Variants in VPS13B observed in about 807,000 individuals in gnomAD.
VPS13B encodes vacuolar protein sorting 13 homolog B.
Under a neutral mutation model 426.4 loss-of-function variants are expected in VPS13B, and 285 were observed. The observed-to-expected ratio is 0.67, with a 90% confidence interval of 0.61 to 0.74. The LOEUF is 0.74. VPS13B is among the 30% of genes least tolerant of loss of function. The probability of loss-of-function intolerance (pLI) is 0.00; values close to 1 mark genes in which losing one functional copy is unlikely to be tolerated. For synonymous variants in VPS13B, 1,676 were observed against 1,676.4 expected, an observed-to-expected ratio of 1.00 and a Z score of 0.01; for missense variants, 4,537 against 4,782.6, an observed-to-expected ratio of 0.95 and a Z score of 1.51.
intron 3 of VPS13B, among the ~76,000 whole-genome samples, chr8:99,083,085 T>A (rs1340626035): frequency 6.6e-6 from 1 of 152,206 alleles, no homozygotes; most frequent in Non-Finnish European, 1.5e-5. Flanking sequence ...TGATTCTTCC[T>A]ACCCATGAGC....
intron 19 of VPS13B, among the ~76,000 whole-genome samples, chr8:99,321,870 CTT>C (rs1402930872): frequency 6.6e-6 from 1 of 152,156 alleles, no homozygotes; most frequent in African/African-American, 2.4e-5. Flanking sequence ...ATTTCTATCT[CTT>C]TGGAAATTAA....
At chr8:99,713,097 C>T (rs1437530968) in intron 36 of VPS13B, among the ~76,000 whole-genome samples, 2 of 151,864 alleles carry the variant, frequency 1.3e-5, no homozygotes, top group African/African-American at 4.8e-5. Flanking sequence ...AAAGTGGTTC[C>T]TGCATAATAG....
At chr8:99,871,282 G>C (rs987443927) in intron 60 of VPS13B, 166 bp from the exon 61 acceptor site, 4 of 1,072,320 alleles carry the variant, frequency 3.7e-6, no homozygotes, top group East Asian at 2.4e-5. Context: ...CTGTTAATCA[G>C]AATCAGTCTG....
rs553985579 is a variant in VPS13B at position 99,554,382 on chromosome 8, A to G, written c.4746-2068A>G. 2.6e-5 allele frequency among the ~76,000 whole-genome samples: 4 copies of G among 152,224 alleles called. No homozygotes were observed. The East Asian group carries it at 7.7e-4, about 29-fold the overall frequency. On this transcript the variant is annotated intron_variant, in intron 30 of 61. Coordinates refer to ENST00000357162, the MANE Select transcript of VPS13B (RefSeq NM_152564.5). The stretch of plus-strand genomic sequence containing the variant: ...TAGGTTAGGCCATCAACTGCCTCAG[A>G]TATTTGCTGGCTATCAGAATTTATG...
At chr8:99,428,278 G>C (rs12550509) in intron 21 of VPS13B, among the ~76,000 whole-genome samples, 1 of 151,920 alleles carries the variant, frequency 6.6e-6, no homozygotes, top group Non-Finnish European at 1.5e-5. Context: ...GAAGCCAAAA[G>C]TGACAAATGG....
intron 41 of VPS13B, among the ~76,000 whole-genome samples, chr8:99,778,135 A>T (rs1169890551): frequency 6.6e-6 from 1 of 151,756 alleles, no homozygotes; most frequent in African/African-American, 2.4e-5. Context: ...AGAAGGCTAA[A>T]GCAGGAGAAT....
At chr8:99,741,041 G>C (rs548547381) in intron 39 of VPS13B, among the ~76,000 whole-genome samples, 1 of 152,270 alleles carries the variant, frequency 6.6e-6, no homozygotes, top group East Asian at 1.9e-4. Flanking sequence ...ATTGGATAAA[G>C]AGTCAAGACC....
intron 5 of VPS13B, among the ~76,000 whole-genome samples, chr8:99,109,388 C>CT (rs1053093027): frequency 8.1e-5 from 12 of 148,640 alleles, no homozygotes; most frequent in Admixed American, 4.7e-4. Context: ...TTCTTTCTTT[C>CT]TTTTTTTTTT....
At chr8:99,738,008 C>G (rs1338735945) in intron 39 of VPS13B, among the ~76,000 whole-genome samples, 1 of 152,222 alleles carries the variant, frequency 6.6e-6, no homozygotes, top group African/African-American at 2.4e-5. Context: ...TGGTTGTGCT[C>G]TACTTTGGGG....
At chr8:99,168,277 T>C (rs1184136914) in intron 15 of VPS13B, among the ~76,000 whole-genome samples, 24 of 152,012 alleles carry the variant, frequency 1.6e-4, no homozygotes, top group Non-Finnish European at 1.5e-5. Context: ...AATGACAGAA[T>C]AGTATGTAGT....
Position 99,721,057 on chromosome 8 carries a change from G to A in VPS13B, c.7050+10G>A, listed in dbSNP as rs1159043699. ...TGGTGATGTGCTACAGGTATGTAAT[G>A]ACCATTCATTGTAAAATGAAAACAT... On this transcript the variant is annotated intron_variant, in intron 39 of 61. Transcript: ENST00000357162. 1.9e-6 allele frequency: 3 copies of A among 1,613,574 alleles called. No homozygotes were observed. Among genetic ancestry groups the A allele is most frequent in the Admixed American group, 1.7e-5 (1 of 60,020 alleles).
At position 99,171,379 on chromosome 8, in the gene VPS13B, T is replaced by G. The variant is rs570521626; in HGVS notation, c.2333+1216T>G. ...TTAATAGGTATTTGTGAAAACTATT[T>G]TCTCCGTTATGTGCTGATTAATTTA... On this transcript the variant is annotated intron_variant, in intron 16 of 61. Transcript: ENST00000357162. 5.3e-5 allele frequency among the ~76,000 whole-genome samples: 8 copies of G among 152,092 alleles called. No homozygotes were observed. The East Asian group carries it at 1.5e-3, about 29-fold the overall frequency.
chr8:99,238,628 TACTG>T (rs1233858945), intron 17 of VPS13B, among the ~76,000 whole-genome samples: 1 of 152,198 alleles, frequency 6.6e-6, no homozygotes, highest in African/African-American at 2.4e-5. Flanking sequence ...TTCATGTTAA[TACTG>T]ACAGTTATTG....
intron 39 of VPS13B, among the ~76,000 whole-genome samples, chr8:99,754,419 C>T (rs552563703): frequency 2.0e-5 from 3 of 152,212 alleles, no homozygotes; most frequent in South Asian, 4.1e-4. Context: ...GTAAGAAATA[C>T]TCTTTATGTT....
rs372113202 is a variant in VPS13B at position 99,229,472 on chromosome 8, G to GGATT, written c.2515+36440_2515+36443dup. Among the ~76,000 whole-genome samples, 1,293 of 152,118 alleles carry GGATT rather than the reference G, an allele frequency of 8.5e-3. 12 individuals are homozygous for GGATT. The highest frequency in any genetic ancestry group is 0.012 in the Non-Finnish European group (808 of 67,992). Reference sequence around the variant, plus strand: ...CTTTGGGATGATACTAATTATTCATGGATTGATTGATTGATTGATTGATTG... The same window carrying GGATT: ...CTTTGGGATGATACTAATTATTCATGGATTGATTGATTGATTGATTGATTGATTG... On this transcript the variant is annotated intron_variant, in intron 17 of 61. Transcript: ENST00000357162.
chr8:99,113,028 C>T (rs1588050716), intron 6 of VPS13B, among the ~76,000 whole-genome samples: 1 of 150,714 alleles, frequency 6.6e-6, no homozygotes, highest in South Asian at 2.1e-4. Context: ...TTTTTTCTCC[C>T]CTCCTCTCCC....
At chr8:99,811,184 A>T (rs762497062) in intron 44 of VPS13B, among the ~76,000 whole-genome samples, 1 of 152,156 alleles carries the variant, frequency 6.6e-6, no homozygotes, top group Non-Finnish European at 1.5e-5. Context: ...CTCACACAGC[A>T]GCCCTTTCTG....
At chr8:99,323,407 T>C (rs1810085080) in intron 19 of VPS13B, among the ~76,000 whole-genome samples, 1 of 152,358 alleles carries the variant, frequency 6.6e-6, no homozygotes, top group South Asian at 2.1e-4. Context: ...CTTATTTTCT[T>C]ACATCCTTAA....
intron 35 of VPS13B, among the ~76,000 whole-genome samples, chr8:99,664,609 T>G (rs1177879133): frequency 6.6e-6 from 1 of 152,124 alleles, no homozygotes; most frequent in Non-Finnish European, 1.5e-5. Context: ...AGAATGATGT[T>G]TTCCAGTTTC....
Sources: gnomAD v4.1 joint callset for allele counts (sites outside exome capture counted in the v4.1 genomes callset) on GRCh38, gnomAD v4.1.1 for gene constraint, MANE v1.5 for transcripts, NCBI Gene and HGNC (gene_info 2026-07-23, HGNC 2026-07-21) for gene names.